The following PDE8B variants were observed in gnomAD, a reference collection of about 807,000 sequenced individuals.
PDE8B encodes the protein high affinity cAMP-specific and IBMX-insensitive 3',5'-cyclic phosphodiesterase 8B.
Under a neutral mutation model 101.3 loss-of-function variants are expected in PDE8B, and 26 were observed. The observed-to-expected ratio is 0.26, with a 90% CI of 0.19 to 0.36. The LOEUF is 0.36. Ranked by LOEUF, PDE8B falls within the 10% of genes least tolerant of loss-of-function variation. The pLI is 1.00. For synonymous variants in PDE8B, 424 were observed against 429.3 expected (o/e 0.99, Z 0.15); for missense variants, 810 against 1,163.1 (o/e 0.70, Z 4.42).
intron 5 of PDE8B, among the ~76,000 whole-genome samples, chr5:77,333,879 TG>T (rs1244913469): frequency 1.3e-5 from 2 of 152,210 alleles, no homozygotes; most frequent in African/African-American, 4.8e-5. Context: ...AATAAAGCTT[TG>T]GGGGAGGGGC....
chr5:77,262,973 T>A (rs930017440), intron 1 of PDE8B, among the ~76,000 whole-genome samples: 1 of 152,216 alleles, frequency 6.6e-6, no homozygotes, highest in Admixed American at 6.5e-5. Flanking sequence ...TTTTTTCTGA[T>A]GTAATAGTAA....
At chr5:77,160,914 A>G in the PDE8B span, among the ~76,000 whole-genome samples, 2 of 152,060 alleles carry the variant, frequency 1.3e-5, no homozygotes, top group East Asian at 3.9e-4. Context: ...CAGCCTCCCA[A>G]AGTGCTAGGA....
chr5:77,367,324 A>G (rs1230586875), intron 10 of PDE8B, among the ~76,000 whole-genome samples: 2 of 152,084 alleles, frequency 1.3e-5, no homozygotes, highest in African/African-American at 4.8e-5. Context: ...CTCTTGATTC[A>G]GTGGTGGAGA....
chr5:77,242,150 T>C (rs1019706455), intron 1 of PDE8B, among the ~76,000 whole-genome samples: 3 of 152,132 alleles, frequency 2.0e-5, no homozygotes, highest in African/African-American at 7.2e-5. Flanking sequence ...GAAAAGTAAA[T>C]AGTAACAGGT....
the PDE8B span, among the ~76,000 whole-genome samples, chr5:77,200,472 C>T: frequency 6.6e-6 from 1 of 152,122 alleles, no homozygotes; most frequent in African/African-American, 2.4e-5. Flanking sequence ...CTTAGAAGTC[C>T]TTGGTTTTGT....
chr5:77,420,763 A>G (rs1796480920), intron 19 of PDE8B, among the ~76,000 whole-genome samples: 1 of 152,200 alleles, frequency 6.6e-6, no homozygotes, highest in African/African-American at 2.4e-5. Flanking sequence ...TAGAGAAGGA[A>G]AAGTATAGAG....
intron 10 of PDE8B, among the ~76,000 whole-genome samples, chr5:77,375,996 G>C (rs11749959): frequency 0.19 from 27,920 of 147,932 alleles, 3,287 homozygotes; most frequent in Middle Eastern, 0.34. Flanking sequence ...AGGTTCAAGC[G>C]ATTCTCCTGC....
the PDE8B span, among the ~76,000 whole-genome samples, chr5:77,118,153 G>T: frequency 6.6e-6 from 1 of 152,048 alleles, no homozygotes; most frequent in Non-Finnish European, 1.5e-5. Context: ...CACCATGTTG[G>T]CCAGGCTGGT....
chr5:77,276,060 A>G (rs947054896), intron 1 of PDE8B, among the ~76,000 whole-genome samples: 1 of 152,196 alleles, frequency 6.6e-6, no homozygotes, highest in Non-Finnish European at 1.5e-5. Flanking sequence ...TACTCAAGTG[A>G]TTGTCTCAAA....
intron 1 of PDE8B, among the ~76,000 whole-genome samples, chr5:77,243,287 A>G (rs961160457): frequency 6.6e-6 from 1 of 152,196 alleles, no homozygotes; most frequent in African/African-American, 2.4e-5. Flanking sequence ...TATAATCTGT[A>G]TGTTAAGTAA....
chr5:77,288,446 T>C (rs1275381548), intron 1 of PDE8B, among the ~76,000 whole-genome samples: 1 of 152,230 alleles, frequency 6.6e-6, no homozygotes, highest in African/African-American at 2.4e-5. Flanking sequence ...ATCTGATACT[T>C]TCAAATAGAT....
At chr5:77,206,062 A>G (rs1047822105), upstream of PDE8B, among the ~76,000 whole-genome samples, 3 of 147,580 alleles carry the variant, frequency 2.0e-5, no homozygotes, top group African/African-American at 8.1e-5. Flanking sequence ...AACACAGAGC[A>G]TAAAACTCTA....
intron 1 of PDE8B, among the ~76,000 whole-genome samples, chr5:77,259,420 A>G (rs4704401): frequency 2.6e-5 from 4 of 152,044 alleles, no homozygotes; most frequent in African/African-American, 9.7e-5. Context: ...TCTGTGGTAC[A>G]TGCCCCAACT....
rs143933927 is a variant in PDE8B, at chr5:77,419,602, G to A, written c.2130-165G>A. Among the ~76,000 whole-genome samples, 266 of 152,316 alleles carry A rather than the reference G, an allele frequency of 1.7e-3. 2 individuals carry two copies. The highest frequency in any genetic ancestry group is 6.1e-3 in the African/African-American group (255 of 41,566). ...GGGGAAAATGGAATAGCATCTGCAA[G>A]TCTTGCTTACTGGGAGGACGAGCTC... is the stretch of plus-strand genomic sequence containing the variant. On this transcript the variant is annotated intron_variant, in intron 18 of 21. Coordinates refer to ENST00000264917, the MANE Select transcript of PDE8B (RefSeq NM_003719.5).
At position 77,344,854 on chromosome 5, in the gene PDE8B, G is replaced by T. The variant is rs1779871647; in HGVS notation, c.799G>T (p.Ala267Ser). 1 of 1,588,396 alleles carries T rather than the reference G, an allele frequency of 6.3e-7. No homozygotes were observed. Among genetic ancestry groups the T allele is most frequent in the Non-Finnish European group, 8.6e-7 (1 of 1,156,592 alleles). The stretch of plus-strand genomic sequence containing the variant: ...ACTTCAATCTTTTATAACTTTCAGG[G>T]CCTGTAATTCAGTGTTTACAGCATT... ...GEVRSQFKLR[A>S]CNSVFTALDH... The change falls in exon 7 of 22, where the codon GCC (alanine) becomes TCC (serine). Residue 267 changes from alanine (A) to serine (S), a missense_variant and splice_region_variant. By Grantham distance (99) the Ala-to-Ser change is moderately conservative (BLOSUM62 1). Transcript: ENST00000264917.
chr5:77,290,947 C>G (rs1767179567), intron 1 of PDE8B: 1 of 1,610,742 alleles, frequency 6.2e-7, no homozygotes, highest in Non-Finnish European at 8.5e-7. Context: ...TGTGGTGGAG[C>G]AGATACCGGC....
chr5:77,399,096 C>A (rs949895208), intron 10 of PDE8B, among the ~76,000 whole-genome samples: 3 of 152,244 alleles, frequency 2.0e-5, no homozygotes, highest in Non-Finnish European at 2.9e-5. Flanking sequence ...CCAGCACTTA[C>A]ATACCAGAGG....
the PDE8B span, among the ~76,000 whole-genome samples, chr5:77,181,268 C>CG: frequency 2.0e-5 from 3 of 152,118 alleles, no homozygotes; most frequent in African/African-American, 7.2e-5. Context: ...TCCCACGCTG[C>CG]GGGGTCGCAG....
chr5:77,402,720 C>T (rs1210082292), intron 11 of PDE8B, among the ~76,000 whole-genome samples: 1 of 152,190 alleles, frequency 6.6e-6, no homozygotes, highest in African/African-American at 2.4e-5. Flanking sequence ...ACTTATTTCT[C>T]AAAACAGCCT....
Sources: gnomAD v4.1 joint callset for allele counts (sites outside exome capture counted in the v4.1 genomes callset) on GRCh38, gnomAD v4.1.1 for gene constraint, MANE v1.5 for transcripts, NCBI Gene and HGNC (gene_info 2026-07-23, HGNC 2026-07-21) for gene names.